Variants in FARP1 observed in about 807,000 individuals in gnomAD.
FARP1 encodes FERM, ARHGEF and pleckstrin domain-containing protein 1.
FARP1 carries 52 observed loss-of-function variants against 128.8 expected under a neutral mutation model. The observed-to-expected ratio is 0.40, with a 90% CI of 0.32 to 0.51. FARP1 has a LOEUF of 0.51. Ranked by LOEUF, FARP1 falls within the 20% of genes least tolerant of loss-of-function variation. FARP1 has a pLI of 0.45. For missense variants in FARP1, 1,333 were observed against 1,367.9 expected (o/e 0.97, Z 0.40); for synonymous variants, 580 against 551.8 (o/e 1.05, Z -0.72).
intron 1 of FARP1, among the ~76,000 whole-genome samples, chr13:98,164,844 C>G (rs1199456565): frequency 6.6e-6 from 1 of 152,084 alleles, no homozygotes; most frequent in African/African-American, 2.4e-5. Context: ...CTTTGGGAGG[C>G]CGAGGCGGGT....
chr13:98,330,713 C>G (rs1887470910), intron 2 of FARP1, among the ~76,000 whole-genome samples: 1 of 151,808 alleles, frequency 6.6e-6, no homozygotes. Flanking sequence ...CAAGATCACG[C>G]CACTGCACTC....
At chr13:98,324,714 A>T (rs758432090) in intron 2 of FARP1, among the ~76,000 whole-genome samples, 4 of 152,168 alleles carry the variant, frequency 2.6e-5, no homozygotes, top group Non-Finnish European at 5.9e-5. Flanking sequence ...CTTCACAACC[A>T]TTCTCTTTTC....
chr13:98,200,604 T>G (rs1879877926), intron 1 of FARP1, among the ~76,000 whole-genome samples: 1 of 152,164 alleles, frequency 6.6e-6, no homozygotes, highest in African/African-American at 2.4e-5. Flanking sequence ...AGTTCCTAAG[T>G]TGAGACTAGA....
intron 2 of FARP1, among the ~76,000 whole-genome samples, chr13:98,339,299 G>C (rs1380182565): frequency 6.6e-6 from 1 of 152,166 alleles, no homozygotes; most frequent in Admixed American, 6.5e-5. Flanking sequence ...TACCATGGTG[G>C]AGCAGAAGAG....
Position 98,395,313 on chromosome 13 carries a change from T to C in FARP1, c.1251T>C (p.Val417=). ...QSCRRGKEPK[V]SAGEPGSHPS... ...GCCGGCGAGGAAAGGAACCGAAGGT[T>C]TCCGCCGGGGAGCCGGGGTCGCACC... The change falls in exon 13 of 27, where the codon GTT becomes GTC. Residue 417 remains valine (V), a synonymous_variant. Transcript: ENST00000319562. 1.2e-6 allele frequency: 2 copies of C among 1,610,536 alleles called. No individual in the cohort carries two copies. The highest frequency in any genetic ancestry group is 1.7e-6 in the Non-Finnish European group (2 of 1,177,690).
At chr13:98,430,092 A>AT (rs1024928294) in intron 17 of FARP1, among the ~76,000 whole-genome samples, 27 of 151,096 alleles carry the variant, frequency 1.8e-4, no homozygotes, top group African/African-American at 3.4e-4. Context: ...TAAATAAATA[A>AT]TTTTTTTTTA....
chr13:98,223,625 C>T (rs1375175654), intron 2 of FARP1, among the ~76,000 whole-genome samples: 2 of 152,216 alleles, frequency 1.3e-5, no homozygotes, highest in East Asian at 3.9e-4. Context: ...AGCGCCTGGC[C>T]ATAGAAGACA....
At chr13:98,298,773 C>T (rs1564455) in intron 2 of FARP1, among the ~76,000 whole-genome samples, 133,312 of 152,240 alleles carry the variant, frequency 0.88, 58,420 homozygotes, top group East Asian at 1. Flanking sequence ...GTCTTTTCAA[C>T]GCCTTGGTTG....
chr13:98,230,580 G>C (rs537724221), intron 2 of FARP1, among the ~76,000 whole-genome samples: 163 of 152,322 alleles, frequency 1.1e-3, no homozygotes, highest in Non-Finnish European at 1.9e-3. Context: ...CATGGTCAAA[G>C]AGTGTGGACA....
chr13:98,299,813 A>G (rs1885849455), intron 2 of FARP1, among the ~76,000 whole-genome samples: 1 of 152,224 alleles, frequency 6.6e-6, no homozygotes, highest in Non-Finnish European at 1.5e-5. Flanking sequence ...TGGTGCTGAA[A>G]TCACTGCTAT....
At chr13:98,401,422 A>ACACACACACACACACACACC (rs1890764278) in intron 13 of FARP1, 1 of 151,614 alleles carries the variant, frequency 6.6e-6, no homozygotes, top group Non-Finnish European at 1.5e-5. Flanking sequence ...CAAAACACAC[A>ACACACACACACACACACACC]CACACACACA....
intron 14 of FARP1, 111 bp from the exon 15 acceptor site, chr13:98,410,623 C>T (rs539702672): frequency 1.5e-5 from 8 of 543,206 alleles, no homozygotes; most frequent in Non-Finnish European, 2.4e-5. Context: ...TTGTTGATGC[C>T]AGCTAACAAA....
chr13:98,406,407 G>A (rs1890973020), intron 13 of FARP1: 1 of 152,192 alleles, frequency 6.6e-6, no homozygotes, highest in Non-Finnish European at 1.5e-5. Flanking sequence ...TTAAAATGCT[G>A]ATAGATTTCT....
intron 26 of FARP1, 116 bp downstream of exon 26, chr13:98,446,933 CG>C: frequency 8.7e-7 from 1 of 1,143,618 alleles, no homozygotes; most frequent in Non-Finnish European, 1.3e-6. Flanking sequence ...GCCAACTAAG[CG>C]TTTAGACCTG....
At chr13:98,419,483 T>TACACACACAC (rs57751374) in intron 16 of FARP1, among the ~76,000 whole-genome samples, 12,282 of 139,866 alleles carry the variant, frequency 0.088, 799 homozygotes, top group African/African-American at 0.16. Context: ...CAAAAAAAAA[T>TACACACACAC]ACACACACAC....
At chr13:98,415,129 A>C (rs1445345959) in intron 16 of FARP1, among the ~76,000 whole-genome samples, 1 of 152,196 alleles carries the variant, frequency 6.6e-6, no homozygotes, top group Non-Finnish European at 1.5e-5. Context: ...TTGTCTGTGG[A>C]GCAAAACCCC....
Position 98,385,667 on chromosome 13 carries a change from T to C in FARP1, c.612T>C (p.Ile204=), listed in dbSNP as rs763009012. 6.2e-7 allele frequency: 1 copy of C among 1,614,168 alleles called. No homozygotes were observed. The highest frequency in any genetic ancestry group is 8.5e-7 in the Non-Finnish European group (1 of 1,180,020). ...DKIVEFHHNH[I]GQTPAESDFQ... ...TTCTGTTTAATTTTTGTTTTGTCAG[T>C]GGACAAACACCAGCAGAATCAGATT... Residue 204 remains isoleucine (I), a splice_region_variant and synonymous_variant, in exon 8 of 27, where the codon ATT becomes ATC. Transcript: ENST00000319562.
intron 24 of FARP1, among the ~76,000 whole-genome samples, chr13:98,441,829 T>A (rs78963636): frequency 0.05 from 7,648 of 152,248 alleles, 233 homozygotes; most frequent in African/African-American, 0.061. Flanking sequence ...GCCTGGCTTC[T>A]GAACCTTTCA....
intron 3 of FARP1, among the ~76,000 whole-genome samples, chr13:98,348,296 G>A (rs1276317831): frequency 6.6e-6 from 1 of 152,206 alleles, no homozygotes; most frequent in Non-Finnish European, 1.5e-5. Context: ...CACAACAGAA[G>A]TGTTTTAATC....
Sources: gnomAD v4.1 joint callset for allele counts (sites outside exome capture counted in the v4.1 genomes callset) on GRCh38, gnomAD v4.1.1 for gene constraint, MANE v1.5 for transcripts, NCBI Gene and HGNC (gene_info 2026-07-23, HGNC 2026-07-21) for gene names.